The following PIK3C3 variants were observed in gnomAD, a reference collection of about 807,000 sequenced individuals.
PIK3C3 encodes phosphatidylinositol 3-kinase catalytic subunit type 3, also known as PI3-kinase type 3.
Under a neutral mutation model 126.1 loss-of-function variants are expected in PIK3C3, and 95 were observed. That is an observed-to-expected ratio of 0.75 (90% confidence interval 0.64 to 0.89). PIK3C3 has a LOEUF of 0.89. Ranked by LOEUF, PIK3C3 falls within the 40% of genes least tolerant of loss-of-function variation. PIK3C3 has a pLI of 0.00. For synonymous variants in PIK3C3, 374 were observed against 360.0 expected (o/e 1.04, Z -0.44); for missense variants, 829 against 1,063.2 (o/e 0.78, Z 3.06).
intron 3 of PIK3C3, among the ~76,000 whole-genome samples, chr18:41,968,302 C>G (rs188389946): frequency 1.4e-4 from 21 of 152,306 alleles, no homozygotes; most frequent in African/African-American, 5.1e-4. Flanking sequence ...GTGATATTAT[C>G]ATCTCACTGT....
rs533824517 is a variant in PIK3C3, at chr18:41,983,952, CT to C, written c.532-3846del. Reference sequence around the variant, plus strand: ...TGGAGAAGTTAGGGCTAAATTATGCCTTTTTTTTTTTTTTGTGACAGTGTAC... The same window carrying C: ...TGGAGAAGTTAGGGCTAAATTATGCCTTTTTTTTTTTTTGTGACAGTGTAC... On this transcript the variant is annotated intron_variant, in intron 4 of 24. Coordinates refer to ENST00000262039, the MANE Select transcript of PIK3C3 (RefSeq NM_002647.4). Among the ~76,000 whole-genome samples the C allele has an allele frequency of 3.0e-3, 414 of 138,906 alleles. 1 individual carries two copies. Among genetic ancestry groups the C allele is most frequent in the African/African-American group, 3.7e-3 (142 of 38,302 alleles). 91.1% of individuals were successfully genotyped at this position (138,906 alleles called of 152,430 possible). A position where few individuals can be genotyped will look rare whatever the true frequency, so the allele number is the denominator to read the frequency against.
rs1403756050 is a variant in PIK3C3, at chr18:42,083,565, T to C, written c.*2428T>C. On this transcript the variant is annotated 3_prime_UTR_variant, in exon 25 of 25. Transcript: ENST00000262039. ...GCAAAAATCATTCTCCATATGATAG[T>C]TTTAGATGTTCCCCAGCTCATTTGT... 2 of 152,090 alleles carry C rather than the reference T, an allele frequency of 1.3e-5. No individual in the cohort carries two copies. The highest frequency in any genetic ancestry group is 1.3e-4 in the Admixed American group (2 of 15,250). The allele number at this position is 152,090 out of a possible 1,614,324, so 9.4% of individuals were successfully genotyped here.
chr18:42,054,166 A>ATATATC (rs1984947414), intron 21 of PIK3C3, among the ~76,000 whole-genome samples: 1 of 46,832 alleles, frequency 2.1e-5, no homozygotes, highest in Admixed American at 1.8e-4. Flanking sequence ...ATATATATAT[A>ATATATC]TATATATATA....
At chr18:42,063,924 G>C (rs1472006197) in intron 22 of PIK3C3, among the ~76,000 whole-genome samples, 2 of 152,044 alleles carry the variant, frequency 1.3e-5, no homozygotes, top group Non-Finnish European at 2.9e-5. Flanking sequence ...GATCAAACCT[G>C]AATCTCTTTT....
chr18:42,048,055 A>G (rs1302977281), intron 20 of PIK3C3, among the ~76,000 whole-genome samples: 3 of 152,218 alleles, frequency 2.0e-5, no homozygotes, highest in Non-Finnish European at 2.9e-5. Flanking sequence ...ACCAGATTTG[A>G]CCATCAGGCT....
chr18:42,067,177 C>G (rs1241010010), intron 23 of PIK3C3, among the ~76,000 whole-genome samples: 1 of 151,986 alleles, frequency 6.6e-6, no homozygotes, highest in Non-Finnish European at 1.5e-5. Context: ...TTACAACCAA[C>G]AAGAACAAGG....
At chr18:41,958,645 T>C (rs894830482) in intron 2 of PIK3C3, among the ~76,000 whole-genome samples, 4 of 152,128 alleles carry the variant, frequency 2.6e-5, no homozygotes, top group African/African-American at 9.6e-5. Flanking sequence ...TGGAGAGATA[T>C]CTGTCTGTCT....
intron 4 of PIK3C3, among the ~76,000 whole-genome samples, chr18:41,983,306 T>C (rs1271794776): frequency 6.6e-6 from 1 of 152,074 alleles, no homozygotes; most frequent in East Asian, 1.9e-4. Context: ...TTACATATAT[T>C]TGTATTGAGA....
chr18:42,028,140 C>T lies in PIK3C3; in HGVS notation c.1590+592C>T, dbSNP rs146823599. Reference sequence around the variant, plus strand: ...AATAGTTGGAATGAAAACTGCATGGCCAAGAAGACCTAAAATATTTACTCT... The same window carrying T: ...AATAGTTGGAATGAAAACTGCATGGTCAAGAAGACCTAAAATATTTACTCT... On this transcript the variant is annotated intron_variant, in intron 14 of 24. Coordinates refer to ENST00000262039, the MANE Select transcript of PIK3C3 (RefSeq NM_002647.4). 7.1e-3 allele frequency among the ~76,000 whole-genome samples: 1,086 copies of T among 152,140 alleles called. 13 individuals carry two copies. The highest frequency in any genetic ancestry group is 0.024 in the African/African-American group (1,013 of 41,494).
intron 4 of PIK3C3, among the ~76,000 whole-genome samples, chr18:41,982,642 T>C (rs1190488617): frequency 6.6e-6 from 1 of 152,220 alleles, no homozygotes; most frequent in Non-Finnish European, 1.5e-5. Flanking sequence ...ATACATCTTC[T>C]ACAGTGGTAG....
In PIK3C3 at chr18:41,955,314, A is replaced by G. The variant is rs1979707017; in HGVS notation, c.23A>G (p.His8Arg). ...GCGATGGGGGAAGCAGAGAAGTTTCACTACATCTATAGTTGTGACCTGGAT... is the reference window on the plus strand; with the variant it reads ...GCGATGGGGGAAGCAGAGAAGTTTCGCTACATCTATAGTTGTGACCTGGAT... MGEAEKF[H>R]YIYSCDLDIN... Residue 8 changes from histidine (H) to arginine (R), a missense_variant, in exon 1 of 25, where the codon CAC (histidine) becomes CGC (arginine). Physicochemically the swap from His to Arg is conservative, Grantham distance 29. Coordinates refer to ENST00000262039, the MANE Select transcript of PIK3C3 (RefSeq NM_002647.4). The G allele has an allele frequency of 1.9e-6, 3 of 1,613,406 alleles. No individual in the cohort carries two copies. The highest frequency in any genetic ancestry group is 2.5e-6 in the Non-Finnish European group (3 of 1,179,714).
At chr18:42,043,665 A>G (rs1984428141) in intron 19 of PIK3C3, 68 bp from the exon 20 acceptor site, 1 of 987,218 alleles carries the variant, frequency 1.0e-6, no homozygotes, top group Non-Finnish European at 1.6e-6. Context: ...GTCACTATTT[A>G]TAGTTTCAAA....
intron 10 of PIK3C3, among the ~76,000 whole-genome samples, chr18:42,008,108 T>C (rs1982637151): frequency 6.6e-6 from 1 of 152,228 alleles, no homozygotes; most frequent in South Asian, 2.1e-4. Context: ...TTCCTAATGT[T>C]TTATCAGCCA....
At chr18:41,985,313 A>G (rs1981414532) in intron 4 of PIK3C3, among the ~76,000 whole-genome samples, 1 of 152,202 alleles carries the variant, frequency 6.6e-6, no homozygotes, top group African/African-American at 2.4e-5. Flanking sequence ...AGTAATAGGT[A>G]AATAGGACAG....
At position 42,082,953 on chromosome 18, in the gene PIK3C3, A is replaced by G. The variant is rs1986301772; in HGVS notation, c.*1816A>G. 1 of 152,208 alleles carries G rather than the reference A, an allele frequency of 6.6e-6. No homozygotes were observed. The highest frequency in any genetic ancestry group is 1.5e-5 in the Non-Finnish European group (1 of 68,034). The allele number at this position is 152,208 out of a possible 1,614,324, so 9.4% of individuals were successfully genotyped here. A position where few individuals can be genotyped will look rare whatever the true frequency, so the allele number is the denominator to read the frequency against. ...AATTCTAGAAGGGCAGACACTGACA[A>G]CTAGTAAGGAAGTTGATCATGAGTA... is the stretch of plus-strand genomic sequence containing the variant. On this transcript the variant is annotated 3_prime_UTR_variant, in exon 25 of 25. Transcript: ENST00000262039.
chr18:42,080,027 GTA>G (rs1285253344), intron 24 of PIK3C3, among the ~76,000 whole-genome samples: 9 of 147,538 alleles, frequency 6.1e-5, no homozygotes, highest in Admixed American at 4.7e-4. Flanking sequence ...GTGTGTGTGT[GTA>G]TGATTCTGTC....
intron 22 of PIK3C3, among the ~76,000 whole-genome samples, chr18:42,062,847 A>G (rs956993884): frequency 1.3e-5 from 2 of 152,234 alleles, no homozygotes; most frequent in Non-Finnish European, 2.9e-5. Context: ...ATCTTGGTGA[A>G]TAACACTAGT....
intron 4 of PIK3C3, 181 bp downstream of exon 4, chr18:41,970,637 G>C (rs895584255): frequency 1.6e-6 from 1 of 641,788 alleles, no homozygotes; most frequent in East Asian, 2.7e-5. Context: ...CATACAGTCT[G>C]ATGGTTTAGT....
intron 16 of PIK3C3, among the ~76,000 whole-genome samples, chr18:42,034,655 C>T (rs994389621): frequency 6.6e-6 from 1 of 152,198 alleles, no homozygotes; most frequent in Non-Finnish European, 1.5e-5. Flanking sequence ...GCTGATGCAG[C>T]AGCCTTCTCT....
Sources: gnomAD v4.1 joint callset for allele counts (sites outside exome capture counted in the v4.1 genomes callset) on GRCh38, gnomAD v4.1.1 for gene constraint, MANE v1.5 for transcripts, NCBI Gene and HGNC (gene_info 2026-07-23, HGNC 2026-07-21) for gene names.